The following RAD17 variants were observed in gnomAD, a reference collection of about 807,000 sequenced individuals.
RAD17 encodes the protein cell cycle checkpoint protein RAD17.
RAD17 carries 31 observed loss-of-function variants against 81.5 expected under a neutral mutation model. The ratio of observed to expected loss-of-function variants is 0.38; its 90% CI spans 0.29 to 0.51. The LOEUF (loss-of-function observed/expected upper bound fraction) is 0.51. Among genes scored for constraint, RAD17 ranks in the 20% least tolerant of loss-of-function variants. The pLI, the probability that RAD17 is intolerant of heterozygous loss-of-function variation, is 0.88. For synonymous variants in RAD17, 261 were observed against 266.2 expected (o/e 0.98, Z 0.19); for missense variants, 681 against 781.2 (o/e 0.87, Z 1.53).
chr5:69,372,620 T>A (rs921782875), intron 4 of RAD17, among the ~76,000 whole-genome samples: 35 of 150,530 alleles, frequency 2.3e-4, no homozygotes, highest in South Asian at 1.7e-3. Context: ...ATTAGCAAAA[T>A]TTTTTTTTTG....
chr5:69,391,366 CTTTA>C (rs1197921636), intron 12 of RAD17, among the ~76,000 whole-genome samples: 1 of 152,100 alleles, frequency 6.6e-6, no homozygotes, highest in African/African-American at 2.4e-5. Flanking sequence ...GTTGAATATC[CTTTA>C]TTTGCAATTT....
In RAD17 at chr5:69,396,547, G is replaced by T; in HGVS notation, c.1572+1G>T. The T allele has an allele frequency of 4.0e-6, 5 of 1,248,216 alleles. No individual in the cohort carries two copies. Among genetic ancestry groups the T allele is most frequent in the Non-Finnish European group, 4.1e-6 (4 of 983,872 alleles). The allele number at this position is 1,248,216 out of a possible 1,614,324, so 77.3% of individuals were successfully genotyped here. On this transcript the variant is annotated splice_donor_variant, in intron 16 of 18. Coordinates refer to ENST00000354868, the MANE Select transcript of RAD17 (RefSeq NM_133338.3). LOFTEE classifies it high-confidence loss of function. ...TCAGTGGTTTCTAATAAATAAAAAG[G>T]TAAAAAAAAAAAAAAAAATTCTGTA...
intron 6 of RAD17, among the ~76,000 whole-genome samples, chr5:69,379,230 T>A (rs1763696505): frequency 6.6e-6 from 1 of 151,974 alleles, no homozygotes; most frequent in South Asian, 2.1e-4. Context: ...AACAGAGACT[T>A]TGTCTCAAAA....
At chr5:69,398,868 TAAAAAAAA>T (rs72281552) in intron 16 of RAD17, among the ~76,000 whole-genome samples, 9 of 109,880 alleles carry the variant, frequency 8.2e-5, no homozygotes, top group African/African-American at 6.7e-5. Flanking sequence ...ATCTCCTGGT[TAAAAAAAA>T]AAAAAAAAAA....
In RAD17 at chr5:69,384,830, A is replaced by G. The variant is rs754809655; in HGVS notation, c.542A>G (p.Gln181Arg). The G allele has an allele frequency of 6.2e-7, 1 of 1,611,426 alleles. No homozygotes were observed. ...TTCCATATGTTTCCCTATCAGTCTCAGATAGCAGTTTTCAAAGAGTTTCTA... is the reference window on the plus strand; with the variant it reads ...TTCCATATGTTTCCCTATCAGTCTCGGATAGCAGTTTTCAAAGAGTTTCTA... Reference protein sequence around the residue: ...SSFHMFPYQSQIAVFKEFLLR... With the variant: ...SSFHMFPYQSRIAVFKEFLLR... The change falls in exon 8 of 19, where the codon CAG becomes CGG. Residue 181 changes from glutamine (Q) to arginine (R), a missense_variant. Gln to Arg is a conservative substitution (Grantham distance 43). Coordinates refer to ENST00000354868, the MANE Select transcript of RAD17 (RefSeq NM_133338.3).
chr5:69,372,113 G>A lies in RAD17; in HGVS notation c.-96G>A. On this transcript the variant is annotated 5_prime_UTR_variant, in exon 4 of 19. Transcript: ENST00000354868. ...TTGCAAATCAGAATTGCTGTCGAAA[G>A]TTTTACTATAATGAAAGATATTTTC... 1 of 1,481,012 alleles carries A rather than the reference G, an allele frequency of 6.8e-7. No individual in the cohort carries two copies. The highest frequency in any genetic ancestry group is 9.1e-7 in the Non-Finnish European group (1 of 1,096,418). 91.7% of individuals were successfully genotyped at this position (1,481,012 alleles called of 1,614,324 possible).
chr5:69,374,128 C>A, intron 5 of RAD17, 41 bp downstream of exon 5: 2 of 1,546,254 alleles, frequency 1.3e-6, no homozygotes, highest in Non-Finnish European at 1.8e-6. Context: ...AATTTAATTT[C>A]AGGGTGCATA....
chr5:69,387,595 C>A (rs969946200), intron 11 of RAD17, among the ~76,000 whole-genome samples: 1 of 152,146 alleles, frequency 6.6e-6, no homozygotes, highest in Admixed American at 6.5e-5. Flanking sequence ...CGGTGGCTCA[C>A]GCCTGTAATC....
At chr5:69,406,321 A>G (rs1765600451) in intron 17 of RAD17, among the ~76,000 whole-genome samples, 1 of 152,178 alleles carries the variant, frequency 6.6e-6, no homozygotes, top group African/African-American at 2.4e-5. Flanking sequence ...TCTCACTTAT[A>G]TAGGAGCTAA....
chr5:69,388,834 C>T (rs1764372729), intron 11 of RAD17, among the ~76,000 whole-genome samples, 200 bp from the exon 12 acceptor site: 1 of 151,990 alleles, frequency 6.6e-6, no homozygotes, highest in Non-Finnish European at 1.5e-5. Flanking sequence ...TCTCAGACTC[C>T]TGAGCTCAAG....
chr5:69,374,828 C>G, intron 6 of RAD17, 117 bp downstream of exon 6: 1 of 841,262 alleles, frequency 1.2e-6, no homozygotes, highest in East Asian at 2.8e-5. Flanking sequence ...AGATCTCCTG[C>G]AGTAGAAAGC....
intron 17 of RAD17, among the ~76,000 whole-genome samples, chr5:69,405,030 G>A (rs545708229): frequency 2.6e-5 from 4 of 152,272 alleles, no homozygotes; most frequent in African/African-American, 7.2e-5. Flanking sequence ...TAACACTAAT[G>A]ATCAGGGAAA....
intron 13 of RAD17, among the ~76,000 whole-genome samples, 180 bp downstream of exon 13, chr5:69,392,193 A>G (rs1012740038): frequency 4.6e-5 from 7 of 152,210 alleles, no homozygotes; most frequent in African/African-American, 1.7e-4. Flanking sequence ...TTCTGACCGT[A>G]AGCAGGATTA....
chr5:69,374,751 A>G (rs775443165), intron 6 of RAD17, 40 bp downstream of exon 6: 1 of 1,471,112 alleles, frequency 6.8e-7, no homozygotes, highest in South Asian at 1.2e-5. Flanking sequence ...AACATCAAAT[A>G]TTTTTCTGAC....
At chr5:69,369,597 C>G (rs1248685417), upstream of RAD17, 13 of 1,590,876 alleles carry the variant, frequency 8.2e-6, no homozygotes, top group South Asian at 1.1e-5. Context: ...CCAAAGGCCC[C>G]GAAGCCCACC....
At chr5:69,399,117 T>G (rs1056373331) in intron 16 of RAD17, among the ~76,000 whole-genome samples, 44 of 152,208 alleles carry the variant, frequency 2.9e-4, no homozygotes, top group Middle Eastern at 3.4e-3. Context: ...GAAAAATTTT[T>G]TTTGTTTTTC....
At chr5:69,411,113 T>C (rs1344542770) in intron 18 of RAD17, among the ~76,000 whole-genome samples, 2 of 151,556 alleles carry the variant, frequency 1.3e-5, no homozygotes, top group African/African-American at 4.8e-5. Context: ...AGGAATTGTT[T>C]AAAGATTTTA....
chr5:69,393,442 A>G lies in RAD17; in HGVS notation c.1364A>G (p.Asp455Gly). ...NYIDFFMEID[D>G]IVRASEFLSF... ...ATAGATTTCTTCATGGAAATTGATG[A>G]TATTGTGAGAGCCAGTGAATTTCTG... The change falls in exon 15 of 19, where the codon GAT becomes GGT. Residue 455 changes from aspartate to glycine, a missense_variant. Asp to Gly is a moderately conservative substitution (Grantham distance 94). Transcript: ENST00000354868. 1 of 1,610,674 alleles carries G rather than the reference A, an allele frequency of 6.2e-7. No individual in the cohort carries two copies. Among genetic ancestry groups the G allele is most frequent in the Non-Finnish European group, 8.5e-7 (1 of 1,178,442 alleles).
At chr5:69,372,357 A>C (rs1763059491) in intron 4 of RAD17, 140 bp downstream of exon 4, 1 of 696,122 alleles carries the variant, frequency 1.4e-6, no homozygotes, top group African/African-American at 1.8e-5. Context: ...TGTCTCCCCT[A>C]AGCCTACTTT....
Sources: gnomAD v4.1 joint callset for allele counts (sites outside exome capture counted in the v4.1 genomes callset) on GRCh38, gnomAD v4.1.1 for gene constraint, MANE v1.5 for transcripts, NCBI Gene and HGNC (gene_info 2026-07-23, HGNC 2026-07-21) for gene names.